KCNG2: variants seen among roughly 807,000 people sequenced by gnomAD.
KCNG2 encodes voltage-gated potassium channel regulatory subunit KCNG2.
KCNG2 carries 7 observed loss-of-function variants against 12.3 expected under a neutral mutation model. That is an observed-to-expected ratio of 0.57 (90% confidence interval 0.32 to 1.07). The LOEUF is 1.07. Among genes scored for constraint, KCNG2 ranks in the 50% least tolerant of loss-of-function variants. The pLI, the probability that KCNG2 is intolerant of heterozygous loss-of-function variation, is 0.04. For synonymous variants in KCNG2, 414 were observed against 351.4 expected, an observed-to-expected ratio of 1.18 and a Z score of -1.99; for missense variants, 703 against 726.0, an observed-to-expected ratio of 0.97 and a Z score of 0.36.
Position 79,899,679 on chromosome 18 carries a change from G to A in KCNG2, c.1264G>A (p.Ala422Thr), listed in dbSNP as rs373621656. 193 of 1,607,942 alleles carry A rather than the reference G, an allele frequency of 1.2e-4. No individual in the cohort carries two copies. The highest frequency in any genetic ancestry group is 1.6e-4 in the Non-Finnish European group (183 of 1,178,134). The change falls in exon 4 of 4, where the codon GCG (alanine) becomes ACG (threonine). Residue 422 changes from alanine to threonine, a missense_variant. Ala to Thr is a moderately conservative substitution (Grantham distance 58, BLOSUM62 0). Transcript: ENST00000316249. ...CGAGCTCAAGGAGCAGCAGCAGCGC[G>A]CGGCCAGCCCCGAGCCGGCCCTGCA... ...YSELKEQQQR[A>T]ASPEPALQED...
chr18:79,869,121 G>A (rs910987782), intron 3 of KCNG2, among the ~76,000 whole-genome samples: 3 of 151,922 alleles, frequency 2.0e-5, no homozygotes, highest in African/African-American at 7.2e-5. Flanking sequence ...GGGAGACCCC[G>A]AGCCAGAGTC....
intron 1 of KCNG2, among the ~76,000 whole-genome samples, chr18:79,826,261 T>C (rs1237464839): frequency 4.6e-5 from 7 of 152,116 alleles, no homozygotes; most frequent in Non-Finnish European, 1.5e-5. Context: ...TCTGGGAAGG[T>C]GGGTCCTGCT....
At chr18:79,811,796 A>C (rs2087496063) in intron 1 of KCNG2, among the ~76,000 whole-genome samples, 1 of 152,240 alleles carries the variant, frequency 6.6e-6, no homozygotes, top group South Asian at 2.1e-4. Flanking sequence ...AAAAGATGAA[A>C]TCACGTAACT....
At chr18:79,821,228 T>C (rs1293480118) in intron 1 of KCNG2, among the ~76,000 whole-genome samples, 1 of 152,146 alleles carries the variant, frequency 6.6e-6, no homozygotes, top group Non-Finnish European at 1.5e-5. Context: ...ACATGTTTTA[T>C]TCTAAGAGTT....
In KCNG2 at chr18:79,818,158, T is replaced by C. The variant is rs542423130; in HGVS notation, c.-115+20144T>C. 6.0e-4 allele frequency among the ~76,000 whole-genome samples: 92 copies of C among 152,348 alleles called. 1 individual carries two copies. The highest frequency in any genetic ancestry group is 2.1e-3 in the African/African-American group (89 of 41,590). On this transcript the variant is annotated intron_variant, in intron 1 of 3. Coordinates refer to ENST00000316249, the MANE Select transcript of KCNG2 (RefSeq NM_012283.2). Reference sequence around the variant, plus strand: ...GTGTGGTGCCTGTCCTGGATCCATGTGTGGCTGCTGTGGCCACCCGGGAGA... The same window carrying C: ...GTGTGGTGCCTGTCCTGGATCCATGCGTGGCTGCTGTGGCCACCCGGGAGA...
Position 79,868,861 on chromosome 18 carries a change from C to G in KCNG2, c.624+4570C>G, listed in dbSNP as rs546797279. On this transcript the variant is annotated intron_variant, in intron 3 of 3. Transcript: ENST00000316249. ...GAGGGACGGCAGTGGGACCGTAACTCAGTGCTCCCTGGAGAGCACGTGGGT... is the reference window on the plus strand; with the variant it reads ...GAGGGACGGCAGTGGGACCGTAACTGAGTGCTCCCTGGAGAGCACGTGGGT... 1.4e-3 allele frequency among the ~76,000 whole-genome samples: 212 copies of G among 152,362 alleles called. 1 individual carries two copies. Among genetic ancestry groups the G allele is most frequent in the African/African-American group, 4.9e-3 (205 of 41,584 alleles).
At chr18:79,847,807 G>A (rs1371718093) in intron 1 of KCNG2, among the ~76,000 whole-genome samples, 1 of 152,220 alleles carries the variant, frequency 6.6e-6, no homozygotes, top group African/African-American at 2.4e-5. Context: ...CGGCAGTGGG[G>A]CCACGTGTCC....
At chr18:79,857,728 C>T (rs529387064) in intron 2 of KCNG2, among the ~76,000 whole-genome samples, 4 of 129,234 alleles carry the variant, frequency 3.1e-5, no homozygotes, top group Admixed American at 2.2e-4. Flanking sequence ...GTTACTGGAT[C>T]CCCCCGAGAC....
At position 79,836,687 on chromosome 18, in the gene KCNG2, A is replaced by G. The variant is rs898754604; in HGVS notation, c.-114-19692A>G. Among the ~76,000 whole-genome samples, 10 of 152,332 alleles carry G rather than the reference A, an allele frequency of 6.6e-5. No individual in the cohort carries two copies. In the East Asian group the frequency reaches 1.4e-3, roughly 21 times the overall value. ...AAAGGAGAAGCAAGACCTTCTTCAC[A>G]TGGCTGCAGGAGAGAGAGAGTGAGT... is the stretch of plus-strand genomic sequence containing the variant. On this transcript the variant is annotated intron_variant, in intron 1 of 3. Transcript: ENST00000316249.
Position 79,810,179 on chromosome 18 carries a change from G to A in KCNG2, c.-115+12165G>A, listed in dbSNP as rs538810422. Among the ~76,000 whole-genome samples, 7 of 152,260 alleles carry A rather than the reference G, an allele frequency of 4.6e-5. No homozygotes were observed. In the East Asian group the frequency reaches 1.4e-3, roughly 29 times the overall value. On this transcript the variant is annotated intron_variant, in intron 1 of 3. Transcript: ENST00000316249. ...CCAGGGAAGATGGAGGCGGTGGGAG[G>A]GGGGAGTGGGTAATAGTCTAAAGGA...
intron 3 of KCNG2, among the ~76,000 whole-genome samples, chr18:79,890,382 G>T (rs1181418251): frequency 1.3e-5 from 2 of 152,122 alleles, no homozygotes; most frequent in Non-Finnish European, 2.9e-5. Context: ...CGGACATATT[G>T]TGTGATGCTG....
chr18:79,850,133 T>C (rs1978768115), intron 1 of KCNG2, among the ~76,000 whole-genome samples: 2 of 152,298 alleles, frequency 1.3e-5, no homozygotes, highest in South Asian at 4.1e-4. Context: ...GGAATAAACA[T>C]AAACTTCACC....
intron 1 of KCNG2, among the ~76,000 whole-genome samples, chr18:79,843,769 GA>G (rs1978537440): frequency 6.6e-6 from 1 of 152,052 alleles, no homozygotes; most frequent in African/African-American, 2.4e-5. Flanking sequence ...CATACGCTAT[GA>G]AAAAATTATC....
chr18:79,844,175 A>T (rs571762110), intron 1 of KCNG2, among the ~76,000 whole-genome samples: 4 of 152,208 alleles, frequency 2.6e-5, no homozygotes, highest in Non-Finnish European at 5.9e-5. Flanking sequence ...GTGCCCATTC[A>T]TGGATGAGTG....
chr18:79,851,794 G>T (rs1266588974), intron 1 of KCNG2, among the ~76,000 whole-genome samples: 1 of 151,920 alleles, frequency 6.6e-6, no homozygotes, highest in Non-Finnish European at 1.5e-5. Flanking sequence ...AATGTGCATT[G>T]TGTGAATGTG....
intron 3 of KCNG2, among the ~76,000 whole-genome samples, chr18:79,891,862 C>T (rs538864536): frequency 4.1e-4 from 62 of 152,152 alleles, no homozygotes; most frequent in Non-Finnish European, 7.1e-4. Context: ...CCATGTTCTA[C>T]GGATGTCTGT....
chr18:79,883,959 C>T (rs1025283250), intron 3 of KCNG2, among the ~76,000 whole-genome samples: 6 of 152,182 alleles, frequency 3.9e-5, no homozygotes, highest in African/African-American at 1.4e-4. Flanking sequence ...GCCCACTGAC[C>T]CCCAACTCGG....
chr18:79,817,359 TCA>T (rs1303630907), intron 1 of KCNG2, among the ~76,000 whole-genome samples: 1 of 152,228 alleles, frequency 6.6e-6, no homozygotes, highest in Non-Finnish European at 1.5e-5. Flanking sequence ...CACATGGATG[TCA>T]CACACAGTTG....
At chr18:79,865,004 G>GTGCTGAGAGGTCTGT (rs1979411144) in intron 3 of KCNG2, among the ~76,000 whole-genome samples, 1 of 70,632 alleles carries the variant, frequency 1.4e-5, no homozygotes. Flanking sequence ...GAGAGGTCTG[G>GTGCTGAGAGGTCTGT]GTGCTGAGGT....
Sources: allele counts gnomAD v4.1 joint callset (sites outside exome capture counted in the v4.1 genomes callset), GRCh38; gene constraint gnomAD v4.1.1; transcripts MANE v1.5; gene names NCBI Gene and HGNC (gene_info 2026-07-23, HGNC 2026-07-21).